ATXN1: variants seen among roughly 807,000 people sequenced by gnomAD.
ATXN1 encodes the protein ataxin-1.
ATXN1 carries 8 observed loss-of-function variants against 56.4 expected under a neutral mutation model. That is an observed-to-expected ratio of 0.14 (90% CI 0.08 to 0.26). ATXN1 has a LOEUF of 0.26. Ranked by LOEUF, ATXN1 falls within the 10% of genes least tolerant of loss-of-function variation. The probability of loss-of-function intolerance (pLI) is 1.00; values close to 1 mark genes in which losing one functional copy is unlikely to be tolerated. For missense variants in ATXN1, 987 were observed against 1,106.5 expected (o/e 0.89, Z 1.53); for synonymous variants, 514 against 494.6 (o/e 1.04, Z -0.52).
At chr6:16,755,451 A>G (rs1352954517) in intron 1 of ATXN1, among the ~76,000 whole-genome samples, 1 of 152,204 alleles carries the variant, frequency 6.6e-6, no homozygotes, top group Admixed American at 6.5e-5. Flanking sequence ...ACATAATACA[A>G]TACTATTAAT....
intron 6 of ATXN1, among the ~76,000 whole-genome samples, chr6:16,381,404 C>T (rs1187790585): frequency 6.6e-6 from 1 of 152,164 alleles, no homozygotes; most frequent in East Asian, 1.9e-4. Flanking sequence ...TGGAACAGAT[C>T]CTTCCCGAGC....
At chr6:16,416,293 TAATGTAA>T (rs1472187636) in intron 6 of ATXN1, among the ~76,000 whole-genome samples, 1 of 152,210 alleles carries the variant, frequency 6.6e-6, no homozygotes, top group African/African-American at 2.4e-5. Flanking sequence ...TAGATTAAAT[TAATGTAA>T]AATGTAAAAT....
chr6:16,503,404 C>A (rs941899768), intron 5 of ATXN1, among the ~76,000 whole-genome samples: 1 of 152,214 alleles, frequency 6.6e-6, no homozygotes, highest in African/African-American at 2.4e-5. Flanking sequence ...CTGTTCCCTG[C>A]ACACACTGCA....
At chr6:16,559,095 C>T (rs1417177670) in intron 4 of ATXN1, among the ~76,000 whole-genome samples, 1 of 152,142 alleles carries the variant, frequency 6.6e-6, no homozygotes, top group Non-Finnish European at 1.5e-5. Flanking sequence ...TAGTAGTTTT[C>T]ACCTCTCAGA....
At chr6:16,541,019 G>A (rs1298576664) in intron 4 of ATXN1, among the ~76,000 whole-genome samples, 3 of 152,172 alleles carry the variant, frequency 2.0e-5, no homozygotes, top group Admixed American at 2.0e-4. Context: ...TGAGCTCATC[G>A]TAACTAAACC....
chr6:16,357,851 A>G (rs1163337236), intron 6 of ATXN1, among the ~76,000 whole-genome samples: 1 of 152,230 alleles, frequency 6.6e-6, no homozygotes, highest in Non-Finnish European at 1.5e-5. Context: ...GATACACAGA[A>G]TGGACAGAGT....
chr6:16,743,160 A>G (rs1426535345), intron 2 of ATXN1, among the ~76,000 whole-genome samples: 3 of 152,244 alleles, frequency 2.0e-5, no homozygotes, highest in Non-Finnish European at 4.4e-5. Flanking sequence ...TTCAAAAACA[A>G]AAGCATTTTT....
chr6:16,401,630 C>T (rs1044186779), intron 6 of ATXN1, among the ~76,000 whole-genome samples: 12 of 92,676 alleles, frequency 1.3e-4, no homozygotes, highest in Admixed American at 1.2e-3. Flanking sequence ...GAAGAGTGCT[C>T]CTGGTGGACA....
rs117805814 is a variant in ATXN1 at position 16,603,779 on chromosome 6, G to A, written c.-488-17872C>T. 7.4e-4 allele frequency among the ~76,000 whole-genome samples: 112 copies of A among 152,312 alleles called. 1 individual carries two copies. In the East Asian group the frequency reaches 0.016, roughly 22 times the overall value. On this transcript the variant is annotated intron_variant, in intron 3 of 7. Coordinates refer to ENST00000436367, the MANE Select transcript of ATXN1 (RefSeq NM_001128164.2). ...AAGTGGGGGAAGTGTTCCACCAGGT[G>A]AAACTGGCCTGGTGGCTGTGGGGTA...
At chr6:16,436,440 T>TA (rs1421920653) in intron 6 of ATXN1, among the ~76,000 whole-genome samples, 1 of 152,138 alleles carries the variant, frequency 6.6e-6, no homozygotes, top group Non-Finnish European at 1.5e-5. Flanking sequence ...TGATAGATGC[T>TA]AAAAAGTTAA....
intron 2 of ATXN1, among the ~76,000 whole-genome samples, chr6:16,679,210 G>A (rs1190048246): frequency 8.2e-5 from 5 of 61,148 alleles, no homozygotes; most frequent in East Asian, 6.6e-4. Context: ...GTGGGTGGAC[G>A]GATGGGTGGA....
intron 6 of ATXN1, among the ~76,000 whole-genome samples, chr6:16,474,913 T>C (rs952687627): frequency 1.3e-5 from 2 of 152,180 alleles, no homozygotes; most frequent in Non-Finnish European, 2.9e-5. Flanking sequence ...TACAAGAATG[T>C]AGATATCCAT....
chr6:16,363,498 A>G (rs1761857452), intron 6 of ATXN1, among the ~76,000 whole-genome samples: 1 of 152,250 alleles, frequency 6.6e-6, no homozygotes, highest in Non-Finnish European at 1.5e-5. Flanking sequence ...TGTGGTATGG[A>G]AGCCATGGCA....
At chr6:16,656,632 A>C (rs1758207876) in intron 3 of ATXN1, among the ~76,000 whole-genome samples, 1 of 152,164 alleles carries the variant, frequency 6.6e-6, no homozygotes, top group South Asian at 2.1e-4. Context: ...TGTATACTTA[A>C]AAGTTACTCA....
intron 2 of ATXN1, among the ~76,000 whole-genome samples, chr6:16,746,503 T>A (rs1358068826): frequency 6.6e-6 from 1 of 152,198 alleles, no homozygotes; most frequent in Admixed American, 6.5e-5. Context: ...TGGCCCTTGA[T>A]ATTACTGCTT....
In ATXN1 at chr6:16,552,752, CG is replaced by C. The variant is rs753429281; in HGVS notation, c.-360-30065del. On this transcript the variant is annotated intron_variant, in intron 4 of 7. Transcript: ENST00000436367. ...CGGAGCTGGCCAGAACATTGCCTTA[CG>C]GGGGTGTATCACCTTGAAGTCTGTT... Among the ~76,000 whole-genome samples the C allele has an allele frequency of 2.6e-5, 4 of 152,154 alleles. No individual in the cohort carries two copies. In the East Asian group the frequency reaches 7.7e-4, roughly 29 times the overall value.
rs1255822369 is a variant in ATXN1 at position 16,301,946 on chromosome 6, A to G, written c.*4383T>C. On this transcript the variant is annotated 3_prime_UTR_variant, in exon 8 of 8. Transcript: ENST00000436367. Reference sequence around the variant, plus strand: ...GGGTATTGTCAATCGTTTCCTTAAAAAACAAAACAAAACAAAATCCAGAGC... The same window carrying G: ...GGGTATTGTCAATCGTTTCCTTAAAGAACAAAACAAAACAAAATCCAGAGC... 6.6e-6 allele frequency: 1 copy of G among 152,660 alleles called. No individual in the cohort carries two copies. The highest frequency in any genetic ancestry group is 1.5e-5 in the Non-Finnish European group (1 of 68,040). 9.5% of individuals were successfully genotyped at this position (152,660 alleles called of 1,614,324 possible). A position where few individuals can be genotyped will look rare whatever the true frequency, so the allele number is the denominator to read the frequency against.
intron 2 of ATXN1, among the ~76,000 whole-genome samples, chr6:16,707,001 T>C (rs563125): frequency 0.84 from 127,872 of 152,090 alleles, 54,012 homozygotes; most frequent in East Asian, 1. Context: ...TTCTGTCACC[T>C]AAATGTCTCA....
At chr6:16,601,114 T>C (rs772611066) in intron 3 of ATXN1, among the ~76,000 whole-genome samples, 1 of 152,230 alleles carries the variant, frequency 6.6e-6, no homozygotes, top group Admixed American at 6.5e-5. Flanking sequence ...ATGTGATGGG[T>C]ACCTAGCTGG....
Sources: gnomAD v4.1 joint callset for allele counts (sites outside exome capture counted in the v4.1 genomes callset) on GRCh38, gnomAD v4.1.1 for gene constraint, MANE v1.5 for transcripts, NCBI Gene and HGNC (gene_info 2026-07-23, HGNC 2026-07-21) for gene names.